The following ABCC9 variants were observed in gnomAD, a reference collection of about 807,000 sequenced individuals.
ABCC9 encodes the protein ATP binding cassette subfamily C member 9.
In ABCC9, 95 loss-of-function variants were observed where a neutral mutation model predicts 188.3. That is an observed-to-expected ratio of 0.50 (90% CI 0.43 to 0.60). ABCC9 has a LOEUF of 0.60. ABCC9 is among the 20% of genes least tolerant of loss of function. ABCC9 has a pLI of 0.00. For missense variants in ABCC9, 1,102 were observed against 1,876.3 expected (o/e 0.59, Z 7.62); for synonymous variants, 659 against 652.7 (o/e 1.01, Z -0.15).
At chr12:21,872,917 A>G (rs565955616) in intron 17 of ABCC9, among the ~76,000 whole-genome samples, 187 bp from the exon 18 acceptor site, 7 of 151,856 alleles carry the variant, frequency 4.6e-5, no homozygotes, top group African/African-American at 1.4e-4. Context: ...ATATATATAT[A>G]TAATGATTTA....
chr12:21,923,937 A>G, intron 5 of ABCC9: 1 of 657,246 alleles, frequency 1.5e-6, no homozygotes, highest in Non-Finnish European at 2.7e-6. Context: ...ACAATAAGAA[A>G]ATATTGATCT....
chr12:21,925,871 A>G, intron 5 of ABCC9, 71 bp downstream of exon 5: 1 of 1,519,438 alleles, frequency 6.6e-7, no homozygotes, highest in Non-Finnish European at 9.1e-7. Context: ...CTGAGGAAAA[A>G]GAAAAATAAC....
chr12:21,872,591 C>G, intron 18 of ABCC9, 34 bp downstream of exon 18: 1 of 1,446,912 alleles, frequency 6.9e-7, no homozygotes, highest in Non-Finnish European at 9.7e-7. Flanking sequence ...AGATGTATGA[C>G]ATAGCAATGG....
intron 31 of ABCC9, among the ~76,000 whole-genome samples, chr12:21,825,981 G>A (rs1239653380): frequency 6.6e-6 from 1 of 152,110 alleles, no homozygotes. Flanking sequence ...AGAAAGCAAT[G>A]ATATCATGTT....
At chr12:21,913,093 A>C (rs762334596) in intron 7 of ABCC9, 27 bp from the exon 8 acceptor site, 33 of 1,578,470 alleles carry the variant, frequency 2.1e-5, no homozygotes, top group African/African-American at 4.1e-5. Flanking sequence ...GAAAAAAAAA[A>C]CAGATGTAAC....
chr12:21,886,051 G>A (rs1387885218), intron 15 of ABCC9, among the ~76,000 whole-genome samples: 1 of 151,820 alleles, frequency 6.6e-6, no homozygotes, highest in Non-Finnish European at 1.5e-5. Flanking sequence ...GTGGAATAAT[G>A]CTTTTCTACT....
At chr12:21,861,957 G>A (rs1247860579) in intron 20 of ABCC9, among the ~76,000 whole-genome samples, 1 of 152,100 alleles carries the variant, frequency 6.6e-6, no homozygotes, top group Non-Finnish European at 1.5e-5. Context: ...TGAACTGGAA[G>A]TACAAGGAAG....
At chr12:21,809,325 T>G (rs991232878) in intron 37 of ABCC9, among the ~76,000 whole-genome samples, 3 of 152,158 alleles carry the variant, frequency 2.0e-5, no homozygotes, top group African/African-American at 7.2e-5. Context: ...TGTTTAAAAT[T>G]GATACTGCCT....
chr12:21,934,224 T>C lies in ABCC9; in HGVS notation c.143-301A>G, dbSNP rs74067890. Among the ~76,000 whole-genome samples the C allele has an allele frequency of 0.051, 7,795 of 152,122 alleles. 256 individuals carry two copies. Among genetic ancestry groups the C allele is most frequent in the African/African-American group, 0.1 (4,236 of 41,522 alleles). ...TAATCAGAAGCTCTTCCTGACAGCTTTCTGATTAATTCAAAAGGAAATAAG... is the reference window on the plus strand; with the variant it reads ...TAATCAGAAGCTCTTCCTGACAGCTCTCTGATTAATTCAAAAGGAAATAAG... On this transcript the variant is annotated intron_variant, in intron 3 of 39. Coordinates refer to ENST00000261200, the MANE Select transcript of ABCC9 (RefSeq NM_020297.4).
intron 31 of ABCC9, among the ~76,000 whole-genome samples, chr12:21,819,664 C>A (rs1942911298): frequency 6.6e-6 from 1 of 152,160 alleles, no homozygotes; most frequent in Non-Finnish European, 1.5e-5. Flanking sequence ...AGTTAGATTT[C>A]TCCATCTCCA....
At chr12:21,833,544 C>G (rs777313534) in intron 30 of ABCC9, among the ~76,000 whole-genome samples, 2 of 151,688 alleles carry the variant, frequency 1.3e-5, no homozygotes, top group Non-Finnish European at 2.9e-5. Flanking sequence ...TGGTCAATTT[C>G]CTCTTTCATT....
chr12:21,917,823 TTGAACTTTGAATAAA>T (rs1256235994), intron 5 of ABCC9, among the ~76,000 whole-genome samples: 2 of 152,164 alleles, frequency 1.3e-5, no homozygotes, highest in South Asian at 4.1e-4. Context: ...ACAATCTACT[TTGAACTTTGAATAAA>T]TGTAAGTACA....
Position 21,831,392 on chromosome 12 carries a change from C to G in ABCC9, c.3567-2332G>C, listed in dbSNP as rs532852397. Among the ~76,000 whole-genome samples, 16 of 152,156 alleles carry G rather than the reference C, an allele frequency of 1.1e-4. No homozygotes were observed. In the East Asian group the frequency reaches 3.1e-3, roughly 29 times the overall value. On this transcript the variant is annotated intron_variant, in intron 30 of 39. Coordinates refer to ENST00000261200, the MANE Select transcript of ABCC9 (RefSeq NM_020297.4). ...GCATTTAGCAATCATCCACTCTAAG[C>G]AAGACATTATGCTAGACACTGAGGA...
chr12:21,822,275 T>C (rs1035286908), intron 31 of ABCC9, among the ~76,000 whole-genome samples: 4 of 152,042 alleles, frequency 2.6e-5, no homozygotes, highest in Non-Finnish European at 4.4e-5. Flanking sequence ...AACTAGATAC[T>C]TTCCAGCTCA....
At chr12:21,833,735 A>G (rs1009020430) in intron 30 of ABCC9, among the ~76,000 whole-genome samples, 2 of 152,140 alleles carry the variant, frequency 1.3e-5, no homozygotes, top group African/African-American at 4.8e-5. Context: ...TCATACCTTC[A>G]TAGAGGAGCT....
At chr12:21,900,881 C>T (rs1305281718) in intron 12 of ABCC9, among the ~76,000 whole-genome samples, 1 of 152,180 alleles carries the variant, frequency 6.6e-6, no homozygotes, top group Non-Finnish European at 1.5e-5. Flanking sequence ...AAACACTCTG[C>T]AGGATATTAT....
rs4148650 is a variant in ABCC9, at chr12:21,916,180, G to T, written c.574-270C>A. Among the ~76,000 whole-genome samples the T allele has an allele frequency of 0.6, 91,060 of 151,864 alleles. 27,510 individuals carry two copies. The highest frequency in any genetic ancestry group is 0.8 in the East Asian group (4,095 of 5,148). ...TTTTAAAAGATAGTTTTTACTAAGA[G>T]TCAGTGTTTCATGATATCCTATGAT... On this transcript the variant is annotated intron_variant, in intron 6 of 39. Transcript: ENST00000261200.
chr12:21,864,502 A>T, intron 18 of ABCC9, 25 bp from the exon 19 acceptor site: 1 of 1,534,304 alleles, frequency 6.5e-7, no homozygotes, highest in Middle Eastern at 1.7e-4. Flanking sequence ...AACAATGTTC[A>T]TTAATTATGA....
intron 24 of ABCC9, among the ~76,000 whole-genome samples, 161 bp from the exon 25 acceptor site, chr12:21,848,407 G>C (rs1329497016): frequency 6.6e-6 from 1 of 152,072 alleles, no homozygotes; most frequent in African/African-American, 2.4e-5. Context: ...AACAGCTGTG[G>C]GGGCAGAACC....
Sources: gnomAD v4.1 joint callset for allele counts (sites outside exome capture counted in the v4.1 genomes callset) on GRCh38, gnomAD v4.1.1 for gene constraint, MANE v1.5 for transcripts, NCBI Gene and HGNC (gene_info 2026-07-23, HGNC 2026-07-21) for gene names.